ZNF263: variants seen among roughly 807,000 people sequenced by gnomAD.
ZNF263 encodes zinc finger protein FPM315.
ZNF263 carries 49 observed loss-of-function variants against 63.1 expected under a neutral mutation model. That is an observed-to-expected ratio of 0.78 (90% CI 0.62 to 0.99). The LOEUF (loss-of-function observed/expected upper bound fraction) is 0.99. Ranked by LOEUF, ZNF263 falls within the 50% of genes least tolerant of loss-of-function variation. ZNF263 has a pLI of 0.00. For missense variants in ZNF263, 872 were observed against 854.8 expected, an observed-to-expected ratio of 1.02 and a Z score of -0.25; for synonymous variants, 352 against 324.2, an observed-to-expected ratio of 1.09 and a Z score of -0.92.
chr16:3,299,918 T>A (rs771058701), intron 2 of ZNF263: 1 of 1,612,128 alleles, frequency 6.2e-7, no homozygotes, highest in Non-Finnish European at 8.5e-7. Context: ...TTGGGCAGTT[T>A]TGATTTTCCA....
chr16:3,290,354 C>T lies in ZNF263; in HGVS notation c.1848C>T (p.Ser616=), dbSNP rs1959565567. 6.2e-7 allele frequency: 1 copy of T among 1,613,946 alleles called. No individual in the cohort carries two copies. Among genetic ancestry groups the T allele is most frequent in the Non-Finnish European group, 8.5e-7 (1 of 1,179,958 alleles). Residue 616 remains serine (S), a synonymous_variant, in exon 6 of 6, where the codon TCC becomes TCT. Coordinates refer to ENST00000219069, the MANE Select transcript of ZNF263 (RefSeq NM_005741.5). ...GTGGGGAAAACTTCTCTCATAGATCCAATTTAATCAGGCACCAGAGAATCC... is the reference window on the plus strand; with the variant it reads ...GTGGGGAAAACTTCTCTCATAGATCTAATTTAATCAGGCACCAGAGAATCC... ...TLCGENFSHR[S]NLIRHQRIHT...
At chr16:3,299,162 C>A in intron 2 of ZNF263, 1 of 1,553,808 alleles carries the variant, frequency 6.4e-7, no homozygotes, top group Non-Finnish European at 8.7e-7. Context: ...AGAAGGTAGT[C>A]CAAACTCTCT....
At position 3,291,164 on chromosome 16, in the gene ZNF263, C is replaced by G. The variant is rs1959601197; in HGVS notation, c.*606C>G. 1.0e-6 allele frequency: 1 copy of G among 985,688 alleles called. No homozygotes were observed. Among genetic ancestry groups the G allele is most frequent in the Non-Finnish European group, 1.2e-6 (1 of 830,208 alleles). The allele number at this position is 985,688 out of a possible 1,614,324, so 61.1% of individuals were successfully genotyped here. ...TTACACATGTAAATATGACCTCAGA[C>G]AAAAAGGAACCAGAGGCCCAAGGGC... On this transcript the variant is annotated 3_prime_UTR_variant, in exon 6 of 6. Coordinates refer to ENST00000219069, the MANE Select transcript of ZNF263 (RefSeq NM_005741.5).
At position 3,284,020 on chromosome 16, in the gene ZNF263, G is replaced by A. The variant is rs1336657843; in HGVS notation, c.202G>A (p.Gly68Arg). The stretch of plus-strand genomic sequence containing the variant: ...CAGCCGGCTCCAAGAGCTTTGCCAT[G>A]GGTGGCTTCGGCCTGAGATGCGCAC... Reference protein sequence around the residue: ...ALSRLQELCHGWLRPEMRTKE... With the variant: ...ALSRLQELCHRWLRPEMRTKE... Residue 68 changes from glycine (G) to arginine (R), a missense_variant, in exon 1 of 6, where the codon GGG becomes AGG. Gly to Arg is a moderately radical substitution (Grantham distance 125). Transcript: ENST00000219069. 6.2e-7 allele frequency: 1 copy of A among 1,613,790 alleles called. No homozygotes were observed. Among genetic ancestry groups the A allele is most frequent in the African/African-American group, 1.3e-5 (1 of 74,940 alleles).
rs2150771524 is a variant in ZNF263, at chr16:3,284,706, A to G, written c.388-353A>G. Among the ~76,000 whole-genome samples the G allele has an allele frequency of 2.0e-5, 3 of 152,278 alleles. No homozygotes were observed. In the Middle Eastern group the frequency reaches 0.01, roughly 518 times the overall value. On this transcript the variant is annotated intron_variant, in intron 1 of 5. Transcript: ENST00000219069. ...GGGCCTCCGTTAATTGTGAACTTTG[A>G]AAGATAATTTGGCACCGAGGCCCTG...
downstream of ZNF263, among the ~76,000 whole-genome samples, chr16:3,291,653 A>ACAC (rs1222378173): frequency 1.3e-5 from 2 of 152,236 alleles, no homozygotes; most frequent in African/African-American, 4.8e-5. Flanking sequence ...GCCATGTGGT[A>ACAC]ACAAAGGGTC....
intron 4 of ZNF263, chr16:3,286,956 G>C (rs1169289293): frequency 6.6e-6 from 1 of 152,098 alleles, no homozygotes; most frequent in Admixed American, 6.5e-5. Context: ...TGGTGTGGTG[G>C]TGGTAGTCCC....
chr16:3,284,885 C>T (rs1959283089), intron 1 of ZNF263, among the ~76,000 whole-genome samples, 174 bp from the exon 2 acceptor site: 1 of 152,228 alleles, frequency 6.6e-6, no homozygotes, highest in African/African-American at 2.4e-5. Flanking sequence ...TTCCCTAACC[C>T]CTCCCCCTGC....
intron 1 of ZNF263, among the ~76,000 whole-genome samples, chr16:3,296,503 C>T (rs1225381261): frequency 6.6e-6 from 1 of 152,092 alleles, no homozygotes; most frequent in Non-Finnish European, 1.5e-5. Flanking sequence ...AGCTTGCAGT[C>T]ATTATGGACT....
chr16:3,299,713 T>A (rs755377261), intron 2 of ZNF263: 3 of 1,536,326 alleles, frequency 2.0e-6, no homozygotes, highest in East Asian at 2.3e-5. Context: ...AGAGGAAGGA[T>A]GAGCCGGGCA....
intron 1 of ZNF263, 94 bp from the exon 2 acceptor site, chr16:3,284,965 G>GTTC (rs1959286785): frequency 1.4e-6 from 2 of 1,479,956 alleles, no homozygotes; most frequent in African/African-American, 1.4e-5. Flanking sequence ...ATCGCCTGAG[G>GTTC]TTCTCTGTTG....
rs1427700943 is a variant in ZNF263 at position 3,285,082 on chromosome 16, A to C, written c.411A>C (p.Thr137=). The C allele has an allele frequency of 1.2e-6, 2 of 1,614,220 alleles. No homozygotes were observed. Among genetic ancestry groups the C allele is most frequent in the Non-Finnish European group, 1.7e-6 (2 of 1,180,048 alleles). Reference sequence around the variant, plus strand: ...AGGTCACAAACCATGGGCGGGGAACAGAAGTGCTTTTGGAGGAGCCTTTGC... The same window carrying C: ...AGGTCACAAACCATGGGCGGGGAACCGAAGTGCTTTTGGAGGAGCCTTTGC... ...RQQVTNHGRG[T]EVLLEEPLPL... The change falls in exon 2 of 6, where the codon ACA becomes ACC. Residue 137 remains threonine, a synonymous_variant. Coordinates refer to ENST00000219069, the MANE Select transcript of ZNF263 (RefSeq NM_005741.5).
At chr16:3,293,094 G>C (rs1400722940), downstream of ZNF263, 1 of 152,168 alleles carries the variant, frequency 6.6e-6, no homozygotes, top group Admixed American at 6.6e-5. Flanking sequence ...ATACGGTTCG[G>C]CTCTGTGTCC....
downstream of ZNF263, chr16:3,292,864 C>T (rs777739225): frequency 3.3e-5 from 5 of 152,210 alleles, no homozygotes; most frequent in Non-Finnish European, 7.3e-5. Context: ...GATGACATCA[C>T]AGAAAATAAC....
downstream of ZNF263, among the ~76,000 whole-genome samples, chr16:3,291,719 C>T (rs1959617543): frequency 6.6e-6 from 1 of 152,182 alleles, no homozygotes; most frequent in African/African-American, 2.4e-5. Context: ...AGTATTCTTT[C>T]CTTCTGTGGT....
At chr16:3,287,332 G>C (rs1164350728) in intron 4 of ZNF263, among the ~76,000 whole-genome samples, 3 of 149,656 alleles carry the variant, frequency 2.0e-5, no homozygotes, top group Admixed American at 6.7e-5. Flanking sequence ...GGCTCATCTT[G>C]AATTCCCGAC....
At chr16:3,293,628 T>A (rs1240476579), downstream of ZNF263, among the ~76,000 whole-genome samples, 1 of 151,990 alleles carries the variant, frequency 6.6e-6, no homozygotes. Context: ...AGATGTGGAG[T>A]GACCCTGAGC....
At chr16:3,294,862 G>C (rs1208096692), downstream of ZNF263, among the ~76,000 whole-genome samples, 1 of 152,192 alleles carries the variant, frequency 6.6e-6, no homozygotes, top group African/African-American at 2.4e-5. Flanking sequence ...CAGGCAGCGA[G>C]AACGGGAAAG....
chr16:3,294,256 C>G (rs1596375298), downstream of ZNF263, among the ~76,000 whole-genome samples: 10 of 152,206 alleles, frequency 6.6e-5, no homozygotes, highest in Admixed American at 6.5e-4. Context: ...AAGAGTGATT[C>G]ATTACATTAA....
Sources: gnomAD v4.1 joint callset for allele counts (sites outside exome capture counted in the v4.1 genomes callset) on GRCh38, gnomAD v4.1.1 for gene constraint, MANE v1.5 for transcripts, NCBI Gene and HGNC (gene_info 2026-07-23, HGNC 2026-07-21) for gene names.